Variants in SEMA6D observed in about 807,000 individuals in gnomAD.
SEMA6D encodes the protein semaphorin 6D.
In SEMA6D, 35 loss-of-function variants were observed where a neutral mutation model predicts 106.6. That is an observed-to-expected ratio of 0.33 (90% CI 0.25 to 0.44). The LOEUF is 0.44. Ranked by LOEUF, SEMA6D falls within the 20% of genes least tolerant of loss-of-function variation. The probability of loss-of-function intolerance (pLI) is 1.00; values close to 1 mark genes in which losing one functional copy is unlikely to be tolerated. For missense variants in SEMA6D, 1,185 were observed against 1,345.9 expected (o/e 0.88, Z 1.87); for synonymous variants, 499 against 487.7 (o/e 1.02, Z -0.31).
chr15:47,219,716 A>G (rs2031008332), intron 1 of SEMA6D, among the ~76,000 whole-genome samples: 1 of 152,250 alleles, frequency 6.6e-6, no homozygotes, highest in African/African-American at 2.4e-5. Context: ...CTATTGCTAC[A>G]TAACAAACCA....
intron 3 of SEMA6D, among the ~76,000 whole-genome samples, chr15:47,521,984 CAA>C (rs61136000): frequency 3.7e-4 from 30 of 81,958 alleles, no homozygotes; most frequent in Admixed American, 6.9e-4. Context: ...GACTCCGTCT[CAA>C]AAAAAAAAAA....
At chr15:47,323,110 C>A (rs965904937) in intron 1 of SEMA6D, among the ~76,000 whole-genome samples, 1 of 151,976 alleles carries the variant, frequency 6.6e-6, no homozygotes, top group Admixed American at 6.5e-5. Context: ...TTCATATTGT[C>A]TATGTAAGTG....
At chr15:47,730,544 G>A (rs1272818130) in intron 1 of SEMA6D, 2 of 1,320,058 alleles carry the variant, frequency 1.5e-6, no homozygotes, top group African/African-American at 2.9e-5. Flanking sequence ...AAGGACAGGT[G>A]GTCTCTTCGT....
At chr15:47,379,888 G>C (rs1167433716) in intron 1 of SEMA6D, among the ~76,000 whole-genome samples, 1 of 152,064 alleles carries the variant, frequency 6.6e-6, no homozygotes, top group Non-Finnish European at 1.5e-5. Context: ...CTCCCAAGTA[G>C]CTGGGACTAC....
At chr15:47,206,564 C>T (rs1207021567) in intron 1 of SEMA6D, among the ~76,000 whole-genome samples, 2 of 152,136 alleles carry the variant, frequency 1.3e-5, no homozygotes, top group African/African-American at 2.4e-5. Context: ...CTACCTGCAG[C>T]GTCGCATTTG....
chr15:47,518,112 A>G (rs1293745230), intron 3 of SEMA6D, among the ~76,000 whole-genome samples: 1 of 152,200 alleles, frequency 6.6e-6, no homozygotes, highest in African/African-American at 2.4e-5. Context: ...GCTTCTAGGG[A>G]TAAGGCTATT....
intron 2 of SEMA6D, among the ~76,000 whole-genome samples, chr15:47,454,600 C>CACAG (rs2042291222): frequency 1.2e-4 from 1 of 8,694 alleles, no homozygotes; most frequent in African/African-American, 3.6e-3. Flanking sequence ...TGCACATGTG[C>CACAG]ACACACACAC....
chr15:47,581,158 T>C (rs967851622), intron 3 of SEMA6D, among the ~76,000 whole-genome samples: 1 of 152,238 alleles, frequency 6.6e-6, no homozygotes, highest in Non-Finnish European at 1.5e-5. Context: ...ATGTATATAC[T>C]GACCACTTAA....
intron 1 of SEMA6D, among the ~76,000 whole-genome samples, chr15:47,251,871 G>C (rs2033527994): frequency 6.9e-6 from 1 of 144,702 alleles, no homozygotes; most frequent in African/African-American, 2.6e-5. Flanking sequence ...TCTTCAGTAA[G>C]TATCTGTTCA....
intron 3 of SEMA6D, among the ~76,000 whole-genome samples, chr15:47,494,997 A>T (rs2043607477): frequency 6.6e-6 from 1 of 151,180 alleles, no homozygotes; most frequent in African/African-American, 2.4e-5. Flanking sequence ...AACTATTCCC[A>T]CGCTTTGATT....
intron 3 of SEMA6D, among the ~76,000 whole-genome samples, chr15:47,563,087 CATA>C (rs2046126562): frequency 1.3e-5 from 2 of 152,124 alleles, no homozygotes; most frequent in African/African-American, 4.8e-5. Flanking sequence ...TAAAAGACTA[CATA>C]ATGTGTAATT....
intron 4 of SEMA6D, among the ~76,000 whole-genome samples, chr15:47,703,023 C>CA (rs1388379764): frequency 1.1e-4 from 17 of 151,862 alleles, no homozygotes; most frequent in South Asian, 2.1e-4. Context: ...GGTGTTTATA[C>CA]AAAAAAACAG....
intron 2 of SEMA6D, among the ~76,000 whole-genome samples, chr15:47,434,118 C>T (rs906363628): frequency 3.3e-5 from 5 of 152,052 alleles, no homozygotes; most frequent in African/African-American, 1.2e-4. Context: ...GATGTTGAGG[C>T]CTCCACTGAA....
chr15:47,506,587 TACACACACACAAACACACAC>T (rs1163487442), intron 3 of SEMA6D, among the ~76,000 whole-genome samples: 1 of 94,380 alleles, frequency 1.1e-5, no homozygotes, highest in African/African-American at 5.2e-5. Flanking sequence ...CATGGGCATT[TACACACACACAAACACACAC>T]ACACACACAC....
At position 47,374,523 on chromosome 15, in the gene SEMA6D, C is replaced by T. The variant is rs529387895; in HGVS notation, c.-238-37870C>T. On this transcript the variant is annotated intron_variant, in intron 1 of 19. Transcript: ENST00000558014. The stretch of plus-strand genomic sequence containing the variant: ...GGTCTCTTCCTCCCTCCTTGGCTTC[C>T]CTGGAAGCAGAGCTCTCTATTTCCT... Among the ~76,000 whole-genome samples the T allele has an allele frequency of 7.9e-5, 12 of 152,212 alleles. No homozygotes were observed. The East Asian group carries it at 2.3e-3, about 30-fold the overall frequency.
intron 4 of SEMA6D, among the ~76,000 whole-genome samples, chr15:47,706,329 T>A (rs1013788143): frequency 1.3e-5 from 2 of 152,232 alleles, no homozygotes; most frequent in Admixed American, 1.3e-4. Context: ...AGTTTATTCC[T>A]GCATTTCATT....
chr15:47,553,912 G>A (rs1172694461), intron 3 of SEMA6D, among the ~76,000 whole-genome samples: 1 of 152,170 alleles, frequency 6.6e-6, no homozygotes, highest in Admixed American at 6.5e-5. Context: ...CATTGCAGGT[G>A]CACTCTGCTC....
At chr15:47,339,940 A>T (rs1000860611) in intron 1 of SEMA6D, among the ~76,000 whole-genome samples, 4 of 152,262 alleles carry the variant, frequency 2.6e-5, no homozygotes, top group African/African-American at 9.6e-5. Flanking sequence ...GAAAAATTCA[A>T]TGGGATAAGG....
rs569120716 is a variant in SEMA6D, at chr15:47,192,106, G to A, written c.-239+7688G>A. Among the ~76,000 whole-genome samples, 535 of 152,276 alleles carry A rather than the reference G, an allele frequency of 3.5e-3. 1 individual carries two copies. The highest frequency in any genetic ancestry group is 6.3e-3 in the Non-Finnish European group (429 of 68,014). On this transcript the variant is annotated intron_variant, in intron 1 of 19. Transcript: ENST00000558014. ...TTAAGTATGTTCTTAAGGTTATCAG[G>A]TGATCTTACTGTGCTTCCTGAGTCT...
Sources: allele counts gnomAD v4.1 joint callset (sites outside exome capture counted in the v4.1 genomes callset), GRCh38; gene constraint gnomAD v4.1.1; transcripts MANE v1.5; gene names NCBI Gene and HGNC (gene_info 2026-07-23, HGNC 2026-07-21).